Variants in PTCHD4 observed in about 807,000 individuals in gnomAD.
The protein encoded by PTCHD4 is patched domain containing 4, also known as patched domain-containing protein 4.
PTCHD4 carries 33 observed loss-of-function variants against 58.1 expected under a neutral mutation model. That is an observed-to-expected ratio of 0.57 (90% confidence interval 0.43 to 0.76). The LOEUF is 0.76. PTCHD4 is among the 30% of genes least tolerant of loss of function. PTCHD4 has a pLI of 0.00. For synonymous variants in PTCHD4, 478 were observed against 409.6 expected, an observed-to-expected ratio of 1.17 and a Z score of -2.02; for missense variants, 1,058 against 1,027.1, an observed-to-expected ratio of 1.03 and a Z score of -0.41.
At chr6:47,935,524 C>T (rs1385371779) in intron 4 of PTCHD4, among the ~76,000 whole-genome samples, 1 of 152,134 alleles carries the variant, frequency 6.6e-6, no homozygotes, top group Non-Finnish European at 1.5e-5. Flanking sequence ...TACCAAACAG[C>T]ATCAAGGGAG....
intron 1 of PTCHD4, among the ~76,000 whole-genome samples, chr6:48,102,078 T>C (rs1283017250): frequency 6.6e-6 from 1 of 152,218 alleles, no homozygotes; most frequent in Non-Finnish European, 1.5e-5. Context: ...AGGCTACCAA[T>C]ACTGTCCTTC....
At chr6:47,885,712 T>G (rs1314094760) in intron 4 of PTCHD4, among the ~76,000 whole-genome samples, 1 of 152,188 alleles carries the variant, frequency 6.6e-6, no homozygotes, top group Non-Finnish European at 1.5e-5. Context: ...TTAAGAACAT[T>G]TTTTCCAAAC....
chr6:48,053,176 A>G (rs573430473), intron 3 of PTCHD4, among the ~76,000 whole-genome samples: 2 of 152,278 alleles, frequency 1.3e-5, no homozygotes, highest in East Asian at 3.9e-4. Flanking sequence ...GAAGAAGAGT[A>G]TAACATTTTG....
At chr6:47,978,586 G>T (rs1767777488) in intron 4 of PTCHD4, among the ~76,000 whole-genome samples, 1 of 152,084 alleles carries the variant, frequency 6.6e-6, no homozygotes, top group Non-Finnish European at 1.5e-5. Context: ...GATAAGAATT[G>T]CTATCAGTTA....
chr6:47,956,179 G>A (rs1448689191), intron 4 of PTCHD4, among the ~76,000 whole-genome samples: 1 of 152,106 alleles, frequency 6.6e-6, no homozygotes, highest in Admixed American at 6.5e-5. Flanking sequence ...TACCAATTTG[G>A]TTCTGTTTCT....
chr6:47,904,525 G>C (rs1764815030), intron 4 of PTCHD4, among the ~76,000 whole-genome samples: 1 of 152,154 alleles, frequency 6.6e-6, no homozygotes, highest in African/African-American at 2.4e-5. Context: ...CACAGAAAAA[G>C]TTTGCCCACC....
rs892076354 is a variant in PTCHD4, at chr6:47,874,107, A to G, written c.*4196T>C. 1.3e-5 allele frequency among the ~76,000 whole-genome samples: 2 copies of G among 151,852 alleles called. No individual in the cohort carries two copies. Among genetic ancestry groups the G allele is most frequent in the East Asian group, 3.9e-4 (2 of 5,144 alleles). ...TCACCATAAGATTAGCAAACACAAGACATAAAATTATGTTTATTTACTAAC... is the reference window on the plus strand; with the variant it reads ...TCACCATAAGATTAGCAAACACAAGGCATAAAATTATGTTTATTTACTAAC... On this transcript the variant is annotated 3_prime_UTR_variant, in exon 5 of 5. Coordinates refer to ENST00000339488, the MANE Select transcript of PTCHD4 (RefSeq NM_001384253.1).
chr6:47,988,486 T>C (rs1361153924), intron 4 of PTCHD4, among the ~76,000 whole-genome samples: 1 of 152,140 alleles, frequency 6.6e-6, no homozygotes, highest in Non-Finnish European at 1.5e-5. Context: ...CCTTAGAGAC[T>C]GTGCTGATAT....
chr6:48,064,240 G>A (rs1764720992), intron 3 of PTCHD4, among the ~76,000 whole-genome samples: 1 of 152,066 alleles, frequency 6.6e-6, no homozygotes, highest in South Asian at 2.1e-4. Context: ...CTTTACCTGT[G>A]TCTTTACTGC....
chr6:47,983,062 T>C (rs1226183988), intron 4 of PTCHD4, among the ~76,000 whole-genome samples: 1 of 152,082 alleles, frequency 6.6e-6, no homozygotes, highest in Non-Finnish European at 1.5e-5. Context: ...AAAGAGATAA[T>C]GGAGATACTG....
At chr6:48,047,516 T>A (rs1764077014) in intron 3 of PTCHD4, among the ~76,000 whole-genome samples, 1 of 151,778 alleles carries the variant, frequency 6.6e-6, no homozygotes, top group Non-Finnish European at 1.5e-5. Flanking sequence ...TCATTCAGCA[T>A]TGTAAATTCT....
At chr6:47,894,957 C>A (rs193177553) in intron 4 of PTCHD4, among the ~76,000 whole-genome samples, 9 of 151,994 alleles carry the variant, frequency 5.9e-5, no homozygotes, top group Non-Finnish European at 8.8e-5. Context: ...CATGGTGAAA[C>A]CTCGTCTCCA....
rs539014089 is a variant in PTCHD4 at position 48,099,082 on chromosome 6, C to T, written c.-970+11967G>A. Among the ~76,000 whole-genome samples the T allele has an allele frequency of 3.9e-5, 6 of 152,290 alleles. No homozygotes were observed. In the South Asian group the frequency reaches 1.2e-3, roughly 32 times the overall value. ...TGCTATGACAAAGAAGCTTATTTATCTTCCTTTCATTTGAGAAGCTGCTTC... is the reference window on the plus strand; with the variant it reads ...TGCTATGACAAAGAAGCTTATTTATTTTCCTTTCATTTGAGAAGCTGCTTC... On this transcript the variant is annotated intron_variant, in intron 1 of 4. Coordinates refer to ENST00000339488, the MANE Select transcript of PTCHD4 (RefSeq NM_001384253.1).
In PTCHD4 at chr6:47,858,165, A is replaced by G. The variant is rs1294721963; in HGVS notation, c.*20138T>C. On this transcript the variant is annotated 3_prime_UTR_variant, in exon 5 of 5. Coordinates refer to ENST00000339488, the MANE Select transcript of PTCHD4 (RefSeq NM_001384253.1). ...ATTATATAGCAAGTGAGAGCTCTGA[A>G]TGAATACTCCAGCAATTATAGGAGA... Among the ~76,000 whole-genome samples, 2 of 152,036 alleles carry G rather than the reference A, an allele frequency of 1.3e-5. No homozygotes were observed. The highest frequency in any genetic ancestry group is 2.9e-5 in the Non-Finnish European group (2 of 67,970).
chr6:47,949,978 C>T (rs1284547598), intron 4 of PTCHD4, among the ~76,000 whole-genome samples: 2 of 151,402 alleles, frequency 1.3e-5, no homozygotes, highest in Non-Finnish European at 2.9e-5. Flanking sequence ...GTGCTGCACC[C>T]ATTAACTCAT....
intron 3 of PTCHD4, among the ~76,000 whole-genome samples, chr6:48,047,804 C>T (rs1041303309): frequency 4.6e-5 from 7 of 151,754 alleles, no homozygotes; most frequent in Non-Finnish European, 7.4e-5. Flanking sequence ...CCACATCAGA[C>T]CATGAATATG....
chr6:48,038,769 G>A (rs955918035), intron 3 of PTCHD4, among the ~76,000 whole-genome samples: 1 of 151,842 alleles, frequency 6.6e-6, no homozygotes, highest in African/African-American at 2.4e-5. Context: ...TAACACAAGA[G>A]ACTGGGATAA....
At chr6:47,975,523 G>T (rs558975902) in intron 4 of PTCHD4, among the ~76,000 whole-genome samples, 6 of 152,164 alleles carry the variant, frequency 3.9e-5, no homozygotes, top group African/African-American at 7.2e-5. Flanking sequence ...CTTGGTTCAT[G>T]GATTTTTCAA....
intron 3 of PTCHD4, among the ~76,000 whole-genome samples, chr6:48,018,273 C>A (rs1422438869): frequency 1.3e-5 from 2 of 152,108 alleles, no homozygotes; most frequent in African/African-American, 4.8e-5. Context: ...ATGCCAGCAC[C>A]CTCATCTCCA....
Sources: allele counts gnomAD v4.1 joint callset (sites outside exome capture counted in the v4.1 genomes callset), GRCh38; gene constraint gnomAD v4.1.1; transcripts MANE v1.5; gene names NCBI Gene and HGNC (gene_info 2026-07-23, HGNC 2026-07-21).